Variants in ZFPM2 observed in about 807,000 individuals in gnomAD.
ZFPM2 encodes zinc finger protein ZFPM2.
Under a neutral mutation model 98.6 loss-of-function variants are expected in ZFPM2, and 20 were observed. The observed-to-expected ratio is 0.20, with a 90% CI of 0.14 to 0.29. The LOEUF is 0.29. Ranked by LOEUF, ZFPM2 falls within the 10% of genes least tolerant of loss-of-function variation. ZFPM2 has a pLI of 1.00. For missense variants in ZFPM2, 1,310 were observed against 1,388.6 expected, an observed-to-expected ratio of 0.94 and a Z score of 0.90; for synonymous variants, 518 against 502.7, an observed-to-expected ratio of 1.03 and a Z score of -0.41.
chr8:105,607,830 G>C (rs1376994989), intron 4 of ZFPM2, among the ~76,000 whole-genome samples: 1 of 152,034 alleles, frequency 6.6e-6, no homozygotes, highest in Non-Finnish European at 1.5e-5. Context: ...CTAATATGTA[G>C]TGAATTAAAT....
intron 3 of ZFPM2, among the ~76,000 whole-genome samples, chr8:105,462,191 A>G (rs1812715925): frequency 6.6e-6 from 1 of 152,218 alleles, no homozygotes; most frequent in East Asian, 1.9e-4. Context: ...CATCCTGGAA[A>G]GCACATAGTA....
At chr8:105,488,636 C>T (rs557855849) in intron 3 of ZFPM2, among the ~76,000 whole-genome samples, 12 of 151,934 alleles carry the variant, frequency 7.9e-5, no homozygotes, top group Admixed American at 1.3e-4. Context: ...TGGTGGTGCG[C>T]GCCTGTAGTC....
At position 105,327,279 on chromosome 8, in the gene ZFPM2, A is replaced by G. The variant is rs192648464; in HGVS notation, c.40+8298A>G. 8.4e-4 allele frequency among the ~76,000 whole-genome samples: 128 copies of G among 151,818 alleles called. 1 individual carries two copies. The highest frequency in any genetic ancestry group is 1.5e-3 in the Non-Finnish European group (101 of 67,758). The stretch of plus-strand genomic sequence containing the variant: ...TTTTATTTTTCACAAAATTTGCAAA[A>G]TTTTAAAAATATGAATAGAGTGAAG... On this transcript the variant is annotated intron_variant, in intron 1 of 7. Coordinates refer to ENST00000407775, the MANE Select transcript of ZFPM2 (RefSeq NM_012082.4).
chr8:105,786,938 A>G (rs1813430844), intron 5 of ZFPM2: 1 of 152,150 alleles, frequency 6.6e-6, no homozygotes, highest in Admixed American at 6.6e-5. Flanking sequence ...AAGTCTAGTG[A>G]CTCTGAAACA....
chr8:105,380,028 T>C (rs1407426846), intron 1 of ZFPM2, among the ~76,000 whole-genome samples: 2 of 152,140 alleles, frequency 1.3e-5, no homozygotes, highest in Admixed American at 6.6e-5. Flanking sequence ...CTCCGTTATA[T>C]AGAAATTCAG....
At chr8:105,568,561 A>C (rs570722124) in intron 4 of ZFPM2, among the ~76,000 whole-genome samples, 93 of 152,292 alleles carry the variant, frequency 6.1e-4, no homozygotes, top group African/African-American at 2.1e-3. Context: ...ACCAAGCATC[A>C]TAACTCCTGC....
chr8:105,607,795 C>T (rs1379327656), intron 4 of ZFPM2, among the ~76,000 whole-genome samples: 3 of 152,092 alleles, frequency 2.0e-5, no homozygotes, highest in African/African-American at 7.2e-5. Flanking sequence ...AATTTTTTAA[C>T]ATCTTTTTAA....
At chr8:105,768,843 G>A (rs1265613983) in intron 5 of ZFPM2, among the ~76,000 whole-genome samples, 8 of 150,650 alleles carry the variant, frequency 5.3e-5, no homozygotes, top group African/African-American at 1.2e-4. Context: ...ACACACGCAC[G>A]CACACATACA....
intron 5 of ZFPM2, among the ~76,000 whole-genome samples, chr8:105,712,250 T>C (rs921049434): frequency 2.0e-5 from 3 of 152,016 alleles, no homozygotes; most frequent in Non-Finnish European, 4.4e-5. Context: ...TCTACAAATA[T>C]TTAGTAGTGA....
chr8:105,604,633 A>G (rs926002166), intron 4 of ZFPM2, among the ~76,000 whole-genome samples: 4 of 151,978 alleles, frequency 2.6e-5, no homozygotes, highest in African/African-American at 9.7e-5. Flanking sequence ...CTGGATTTTC[A>G]TCTTGATGCC....
chr8:105,555,093 T>C (rs1460296238), intron 3 of ZFPM2, among the ~76,000 whole-genome samples: 1 of 151,884 alleles, frequency 6.6e-6, no homozygotes, highest in African/African-American at 2.4e-5. Flanking sequence ...TTTTTTTTTT[T>C]AAGTTAAGCT....
At chr8:105,652,684 A>G (rs1817205047) in intron 5 of ZFPM2, among the ~76,000 whole-genome samples, 1 of 152,142 alleles carries the variant, frequency 6.6e-6, no homozygotes, top group African/African-American at 2.4e-5. Flanking sequence ...CTTTCAAGAA[A>G]TGGACGTTTC....
chr8:105,323,339 A>T (rs78130343), intron 1 of ZFPM2, among the ~76,000 whole-genome samples: 1 of 151,384 alleles, frequency 6.6e-6, no homozygotes, highest in Non-Finnish European at 1.5e-5. Context: ...CAAATAAGTT[A>T]TTTTTTTTCT....
At chr8:105,738,442 T>C (rs571715143) in intron 5 of ZFPM2, among the ~76,000 whole-genome samples, 5 of 152,112 alleles carry the variant, frequency 3.3e-5, no homozygotes, top group Non-Finnish European at 7.4e-5. Flanking sequence ...TTAGGTTGAT[T>C]CCATGGCTTC....
intron 1 of ZFPM2, among the ~76,000 whole-genome samples, chr8:105,388,526 G>C (rs531268325): frequency 4.6e-5 from 7 of 152,290 alleles, no homozygotes; most frequent in African/African-American, 1.7e-4. Context: ...CTTCTGGGGG[G>C]TGATGGGCAT....
At chr8:105,783,042 G>T (rs1813297795) in intron 5 of ZFPM2, among the ~76,000 whole-genome samples, 1 of 152,020 alleles carries the variant, frequency 6.6e-6, no homozygotes, top group Admixed American at 6.6e-5. Flanking sequence ...GATCTACACA[G>T]GTCTCCCGAG....
chr8:105,402,703 T>C (rs1811364965), intron 1 of ZFPM2, among the ~76,000 whole-genome samples: 1 of 152,066 alleles, frequency 6.6e-6, no homozygotes, highest in Admixed American at 6.6e-5. Flanking sequence ...AAACTTTTAT[T>C]TGTAATTTGA....
intron 3 of ZFPM2, among the ~76,000 whole-genome samples, chr8:105,539,166 C>G (rs1814523990): frequency 6.6e-6 from 1 of 152,162 alleles, no homozygotes; most frequent in Admixed American, 6.6e-5. Flanking sequence ...TTTGGGATTG[C>G]TGAACAGCTC....
chr8:105,555,498 C>T (rs902089245), intron 3 of ZFPM2, among the ~76,000 whole-genome samples: 36 of 150,440 alleles, frequency 2.4e-4, no homozygotes, highest in African/African-American at 8.3e-4. Context: ...AATTGAGATA[C>T]GTCGTATCAT....
Sources: allele counts gnomAD v4.1 joint callset (sites outside exome capture counted in the v4.1 genomes callset), GRCh38; gene constraint gnomAD v4.1.1; transcripts MANE v1.5; gene names NCBI Gene and HGNC (gene_info 2026-07-23, HGNC 2026-07-21).